The following FUT8 variants were observed in gnomAD, a reference collection of about 807,000 sequenced individuals.
FUT8 encodes the protein fucosyltransferase 8.
A neutral mutation model predicts 71.3 loss-of-function variants in FUT8; 29 were observed. The ratio of observed to expected loss-of-function variants is 0.41; its 90% CI spans 0.30 to 0.55. The LOEUF (loss-of-function observed/expected upper bound fraction) is 0.55. Ranked by LOEUF, FUT8 falls within the 20% of genes least tolerant of loss-of-function variation. The pLI, the probability that FUT8 is intolerant of heterozygous loss-of-function variation, is 0.34. For synonymous variants in FUT8, 254 were observed against 239.3 expected (o/e 1.06, Z -0.57); for missense variants, 544 against 702.1 (o/e 0.77, Z 2.55).
intron 2 of FUT8, among the ~76,000 whole-genome samples, chr14:65,487,706 A>G (rs2066430308): frequency 6.6e-6 from 1 of 150,906 alleles, no homozygotes; most frequent in South Asian, 2.1e-4. Flanking sequence ...TCATGATTTT[A>G]GATTCCCAGC....
chr14:65,723,837 A>G (rs558886024), intron 8 of FUT8, among the ~76,000 whole-genome samples: 4 of 152,340 alleles, frequency 2.6e-5, no homozygotes, highest in African/African-American at 7.2e-5. Flanking sequence ...GTTGCTGCCT[A>G]GTATGAAATG....
At chr14:65,361,343 C>G in the FUT8 span, among the ~76,000 whole-genome samples, 1 of 114,194 alleles carries the variant, frequency 8.8e-6, no homozygotes, top group Non-Finnish European at 1.8e-5. Flanking sequence ...GCAACAAGAG[C>G]AAAACTCTGT....
At chr14:65,376,695 A>AGCC in the FUT8 span, among the ~76,000 whole-genome samples, 1 of 152,108 alleles carries the variant, frequency 6.6e-6, no homozygotes, top group Non-Finnish European at 1.5e-5. Context: ...TACAGGCATG[A>AGCC]GCCGCTGTGC....
chr14:65,457,878 T>G (rs966702439), intron 2 of FUT8: 1 of 152,352 alleles, frequency 6.6e-6, no homozygotes, highest in Middle Eastern at 3.4e-3. Context: ...CTTCCTTGTT[T>G]TTTTTCTTAA....
upstream of FUT8, among the ~76,000 whole-genome samples, chr14:65,407,440 T>G (rs1401313058): frequency 6.6e-6 from 1 of 152,196 alleles, no homozygotes; most frequent in Non-Finnish European, 1.5e-5. Context: ...GTATGATCTA[T>G]TACATTAAAA....
At chr14:65,536,765 G>A (rs937519120) in intron 2 of FUT8, among the ~76,000 whole-genome samples, 2 of 152,050 alleles carry the variant, frequency 1.3e-5, no homozygotes, top group African/African-American at 4.8e-5. Flanking sequence ...TTTTGCAGGG[G>A]TTCTCTGCAT....
intron 6 of FUT8, among the ~76,000 whole-genome samples, chr14:65,650,621 A>G (rs1891345853): frequency 6.8e-6 from 1 of 147,042 alleles, no homozygotes; most frequent in Non-Finnish European, 1.5e-5. Flanking sequence ...ACCAGGCCCC[A>G]CCTCCAGCAC....
At position 65,588,766 on chromosome 14, in the gene FUT8, C is replaced by T. The variant is rs146698945; in HGVS notation, c.203+27000C>T. 4.6e-4 allele frequency among the ~76,000 whole-genome samples: 70 copies of T among 152,280 alleles called. No homozygotes were observed. The East Asian group carries it at 0.013, about 29-fold the overall frequency. On this transcript the variant is annotated intron_variant, in intron 3 of 10. Transcript: ENST00000673929. Reference sequence around the variant, plus strand: ...GACCACATTCACCTAACATTTATTACATTATCTTGTTATAATTGTTCTATT... The same window carrying T: ...GACCACATTCACCTAACATTTATTATATTATCTTGTTATAATTGTTCTATT...
chr14:65,632,609 T>C (rs1253662728), intron 6 of FUT8, among the ~76,000 whole-genome samples: 2 of 152,132 alleles, frequency 1.3e-5, no homozygotes, highest in Non-Finnish European at 2.9e-5. Context: ...GTAGATTCTG[T>C]GTATTAGTCC....
intron 3 of FUT8, among the ~76,000 whole-genome samples, chr14:65,576,621 T>C (rs1325897261): frequency 1.4e-5 from 2 of 147,148 alleles, no homozygotes; most frequent in Non-Finnish European, 3.0e-5. Context: ...TTCGATCTGC[T>C]GGGCTCAAGC....
chr14:65,388,332 T>C, the FUT8 span, among the ~76,000 whole-genome samples: 1 of 152,246 alleles, frequency 6.6e-6, no homozygotes, highest in Non-Finnish European at 1.5e-5. Context: ...TGTTGCATTA[T>C]TGGGCCTAAG....
intron 7 of FUT8, among the ~76,000 whole-genome samples, chr14:65,714,278 G>A (rs1482839518): frequency 2.0e-5 from 3 of 152,076 alleles, no homozygotes; most frequent in East Asian, 3.9e-4. Context: ...ATAGCTCCAC[G>A]TTTTTATGCT....
chr14:65,522,735 G>A (rs575983565), intron 2 of FUT8, among the ~76,000 whole-genome samples: 246 of 61,460 alleles, frequency 4.0e-3, no homozygotes, highest in Non-Finnish European at 6.4e-3. Context: ...CCCCCACCCC[G>A]CAACAGGCCC....
intron 9 of FUT8, among the ~76,000 whole-genome samples, chr14:65,731,434 A>G (rs1049714854): frequency 1.1e-4 from 17 of 152,358 alleles, no homozygotes; most frequent in Admixed American, 1.1e-3. Context: ...ACCTCAAGGT[A>G]GAAGAATTCC....
intron 1 of FUT8, among the ~76,000 whole-genome samples, chr14:65,418,494 T>C (rs1175945961): frequency 6.6e-6 from 1 of 152,202 alleles, no homozygotes; most frequent in African/African-American, 2.4e-5. Context: ...AAGCCAACAT[T>C]CCATAAGCTA....
rs1594959125 is a variant in FUT8, at chr14:65,743,680, A to G, written c.*1270A>G. 6.6e-6 allele frequency: 1 copy of G among 151,984 alleles called. No individual in the cohort carries two copies. Among genetic ancestry groups the G allele is most frequent in the East Asian group, 1.9e-4 (1 of 5,138 alleles). 9.4% of individuals were successfully genotyped at this position (151,984 alleles called of 1,614,324 possible). A position where few individuals can be genotyped will look rare whatever the true frequency, so the allele number is the denominator to read the frequency against. On this transcript the variant is annotated 3_prime_UTR_variant, in exon 11 of 11. Coordinates refer to ENST00000673929, the MANE Select transcript of FUT8 (RefSeq NM_001371533.1). Reference sequence around the variant, plus strand: ...GGTGACCAAGTGAGAAGCGGGACCAATGGGAGACTCACAATGGACTGAGTC... The same window carrying G: ...GGTGACCAAGTGAGAAGCGGGACCAGTGGGAGACTCACAATGGACTGAGTC...
intron 9 of FUT8, among the ~76,000 whole-genome samples, chr14:65,729,476 C>T (rs779056115): frequency 6.6e-6 from 1 of 151,846 alleles, no homozygotes; most frequent in Non-Finnish European, 1.5e-5. Context: ...CACATTATTT[C>T]CTTAGGCTAG....
rs760228396 is a variant in FUT8, at chr14:65,733,394, A to G, written c.1410+13A>G. 2.6e-6 allele frequency: 4 copies of G among 1,554,436 alleles called. No homozygotes were observed. Among genetic ancestry groups the G allele is most frequent in the Non-Finnish European group, 3.5e-6 (4 of 1,150,488 alleles). ...TTTTTCATCCCAGGTAAGTGTCAGTAGGGCATTTTAAAATAACCAATACTT... is the reference window on the plus strand; with the variant it reads ...TTTTTCATCCCAGGTAAGTGTCAGTGGGGCATTTTAAAATAACCAATACTT... On this transcript the variant is annotated intron_variant, in intron 10 of 10. Transcript: ENST00000673929.
Position 65,634,743 on chromosome 14 carries a change from A to G in FUT8, c.597+5137A>G, listed in dbSNP as rs977848206. 5.9e-5 allele frequency among the ~76,000 whole-genome samples: 9 copies of G among 152,232 alleles called. No homozygotes were observed. In the South Asian group the frequency reaches 1.9e-3, roughly 32 times the overall value. ...ATTTTGGTGACTATGGCTTTATAGT[A>G]TAATTTGAAATCAGGTAGTGTGATG... On this transcript the variant is annotated intron_variant, in intron 6 of 10. Coordinates refer to ENST00000673929, the MANE Select transcript of FUT8 (RefSeq NM_001371533.1).
Sources: allele counts gnomAD v4.1 joint callset (sites outside exome capture counted in the v4.1 genomes callset), GRCh38; gene constraint gnomAD v4.1.1; transcripts MANE v1.5; gene names NCBI Gene and HGNC (gene_info 2026-07-23, HGNC 2026-07-21).